The following ZNF320 variants were observed in gnomAD, a reference collection of about 807,000 sequenced individuals.
ZNF320 encodes zinc finger protein 320, also known as zinc finger gene 320.
In ZNF320, 2 loss-of-function variants were observed where a neutral mutation model predicts 6.8. The ratio of observed to expected loss-of-function variants is 0.29; its 90% confidence interval spans 0.12 to 0.93. The LOEUF (loss-of-function observed/expected upper bound fraction) is 0.93. Ranked by LOEUF, ZNF320 falls within the 40% of genes least tolerant of loss-of-function variation. The pLI is 0.55. For synonymous variants in ZNF320, 208 were observed against 203.2 expected, an observed-to-expected ratio of 1.02 and a Z score of -0.20; for missense variants, 472 against 611.0, an observed-to-expected ratio of 0.77 and a Z score of 2.40.
chr19:52,882,073 CTTATT>C (rs776352204), intron 5 of ZNF320, 90 bp from the exon 6 acceptor site: 135 of 1,313,362 alleles, frequency 1.0e-4, no homozygotes, highest in Non-Finnish European at 1.4e-4. Flanking sequence ...CACAAAAATA[CTTATT>C]TTAAACTTCC....
intron 1 of ZNF320, chr19:52,894,102 G>C (rs2064395689): frequency 1.3e-5 from 2 of 152,112 alleles, no homozygotes; most frequent in South Asian, 4.1e-4. Context: ...CTAGTGAAGA[G>C]GGGTCAGGCA....
downstream of ZNF320, among the ~76,000 whole-genome samples, chr19:52,875,422 A>T (rs965757660): frequency 6.6e-6 from 1 of 152,186 alleles, no homozygotes; most frequent in African/African-American, 2.4e-5. Context: ...GTGGGTGTGG[A>T]CAGAGACAAG....
chr19:52,899,798 A>C (rs1366757768), upstream of ZNF320, among the ~76,000 whole-genome samples: 3 of 152,334 alleles, frequency 2.0e-5, no homozygotes, highest in East Asian at 5.8e-4. Flanking sequence ...TTGCCGGGCA[A>C]GAACAGTCAA....
At chr19:52,896,568 G>T (rs575387022) in intron 1 of ZNF320, among the ~76,000 whole-genome samples, 1 of 152,094 alleles carries the variant, frequency 6.6e-6, no homozygotes, top group Non-Finnish European at 1.5e-5. Flanking sequence ...AATTAGCGCG[G>T]TGTGGTGGCG....
In ZNF320 at chr19:52,877,576, A is replaced by C. The variant is rs2063797551; in HGVS notation, c.*3020T>G. 1 of 152,184 alleles carries C rather than the reference A, an allele frequency of 6.6e-6. No individual in the cohort carries two copies. Among genetic ancestry groups the C allele is most frequent in the South Asian group, 2.1e-4 (1 of 4,826 alleles). 9.4% of individuals were successfully genotyped at this position (152,184 alleles called of 1,614,324 possible). On this transcript the variant is annotated 3_prime_UTR_variant, in exon 6 of 6. Transcript: ENST00000682928. ...CTCTCAGTTTACATCGCCAGGGTGA[A>C]ATTCAACAGAACTATTTTAGGGTGG...
At chr19:52,882,081 A>C in intron 5 of ZNF320, 98 bp from the exon 6 acceptor site, 1 of 1,231,832 alleles carries the variant, frequency 8.1e-7, no homozygotes, top group Non-Finnish European at 1.1e-6. Flanking sequence ...TACTTATTTT[A>C]AACTTCCCAA....
At chr19:52,884,375 T>C (rs1316182304) in intron 5 of ZNF320, among the ~76,000 whole-genome samples, 3 of 152,278 alleles carry the variant, frequency 2.0e-5, no homozygotes, top group Non-Finnish European at 4.4e-5. Context: ...TGGAGTGCAG[T>C]GGCGTGATCT....
chr19:52,889,112 C>A (rs113473675), intron 4 of ZNF320, among the ~76,000 whole-genome samples: 1 of 150,838 alleles, frequency 6.6e-6, no homozygotes, highest in Non-Finnish European at 1.5e-5. Flanking sequence ...TGAACCTGGG[C>A]GGCGGAGTTT....
At chr19:52,875,595 C>T (rs1224939709), downstream of ZNF320, among the ~76,000 whole-genome samples, 1 of 152,084 alleles carries the variant, frequency 6.6e-6, no homozygotes, top group Non-Finnish European at 1.5e-5. Flanking sequence ...TATTTCAGGG[C>T]TCAGTGAAAT....
At chr19:52,886,843 A>G (rs1347062546) in intron 5 of ZNF320, among the ~76,000 whole-genome samples, 1 of 152,050 alleles carries the variant, frequency 6.6e-6, no homozygotes, top group Non-Finnish European at 1.5e-5. Flanking sequence ...GGTGGGGCAC[A>G]AGAATCCTTT....
chr19:52,862,427 T>C, exon 6 of ZNF320: 1 of 431,606 alleles, frequency 2.3e-6, no homozygotes, highest in Non-Finnish European at 4.7e-6. Flanking sequence ...CACAGGTTTT[T>C]CTCCAGTATG....
At chr19:52,893,075 T>G (rs1293840191) in intron 2 of ZNF320, among the ~76,000 whole-genome samples, 2 of 152,098 alleles carry the variant, frequency 1.3e-5, no homozygotes, top group African/African-American at 2.4e-5. Context: ...GTTATGGGCC[T>G]TTCTCATTCT....
chr19:52,865,504 A>G, intron 5 of ZNF320: 2 of 137,504 alleles, frequency 1.5e-5, no homozygotes, highest in African/African-American at 5.7e-5. Context: ...TATTATACAT[A>G]TATATTTATA....
chr19:52,891,540 G>A (rs548238187), intron 2 of ZNF320, among the ~76,000 whole-genome samples, 194 bp from the exon 3 acceptor site: 93 of 152,246 alleles, frequency 6.1e-4, no homozygotes, highest in Non-Finnish European at 1.2e-3. Flanking sequence ...GGGTAAGAAC[G>A]GGGAAAATGA....
chr19:52,896,151 G>T (rs2064464761), intron 1 of ZNF320, among the ~76,000 whole-genome samples: 2 of 152,078 alleles, frequency 1.3e-5, no homozygotes, highest in Non-Finnish European at 2.9e-5. Context: ...GGAGTGCAGT[G>T]GCATGATCTC....
At chr19:52,903,767 G>C in the ZNF320 span, among the ~76,000 whole-genome samples, 2 of 151,902 alleles carry the variant, frequency 1.3e-5, no homozygotes, top group Non-Finnish European at 2.9e-5. Flanking sequence ...ACAAGAATGG[G>C]TAAAGAGGGC....
At chr19:52,890,102 G>A in intron 4 of ZNF320, 139 bp downstream of exon 4, 1 of 1,365,382 alleles carries the variant, frequency 7.3e-7, no homozygotes, top group South Asian at 1.2e-5. Flanking sequence ...TGAGATAAGA[G>A]GGACTGAGGG....
upstream of ZNF320, among the ~76,000 whole-genome samples, chr19:52,901,999 C>CTT (rs71183853): frequency 6.8e-4 from 99 of 146,610 alleles, no homozygotes; most frequent in Middle Eastern, 3.5e-3. Flanking sequence ...ATGAGTTTTT[C>CTT]TTTTTTTTTT....
chr19:52,859,910 CT>C (rs1235060261), downstream of ZNF320, among the ~76,000 whole-genome samples: 17 of 127,876 alleles, frequency 1.3e-4, no homozygotes, highest in Admixed American at 1.6e-3. Context: ...TTAAGTTTTT[CT>C]TTCTTTTTTT....
Sources: gnomAD v4.1 joint callset for allele counts (sites outside exome capture counted in the v4.1 genomes callset) on GRCh38, gnomAD v4.1.1 for gene constraint, MANE v1.5 for transcripts, NCBI Gene and HGNC (gene_info 2026-07-23, HGNC 2026-07-21) for gene names.